DMD: variants seen among roughly 807,000 people sequenced by gnomAD.
DMD encodes the protein mutant dystrophin.
DMD carries 63 observed loss-of-function variants against 330.1 expected under a neutral mutation model. The ratio of observed to expected loss-of-function variants is 0.19; its 90% CI spans 0.16 to 0.24. The LOEUF is 0.24. DMD is among the 10% of genes least tolerant of loss of function. DMD has a pLI of 1.00. For synonymous variants in DMD, 1,223 were observed against 959.8 expected (o/e 1.27, Z -5.07); for missense variants, 3,344 against 2,684.1 (o/e 1.25, Z -5.43).
chrX:31,657,895 T>C (rs1250379047), intron 54 of DMD, 95 bp downstream of exon 54: 1 of 961,595 alleles, frequency 1.0e-6, no homozygotes, highest in Non-Finnish European at 1.5e-6. Flanking sequence ...AGCTCCAGTT[T>C]AGCTGGATTG....
intron 62 of DMD, among the ~76,000 whole-genome samples, chrX:31,289,965 G>C (rs2053569267): frequency 9.4e-6 from 1 of 106,661 alleles, no homozygotes; most frequent in African/African-American, 3.4e-5. Flanking sequence ...CTGTCGCCCA[G>C]GCTGGAGTGC....
At chrX:32,396,135 C>T (rs2098042473) in intron 30 of DMD, among the ~76,000 whole-genome samples, 1 of 110,827 alleles carries the variant, frequency 9.0e-6, no homozygotes, top group Admixed American at 9.6e-5. Flanking sequence ...ACCAAACACT[C>T]GACTTTTATC....
intron 17 of DMD, among the ~76,000 whole-genome samples, chrX:32,532,838 T>C (rs1296715423): frequency 1.8e-5 from 2 of 111,767 alleles, no homozygotes; most frequent in Non-Finnish European, 3.8e-5. Flanking sequence ...ACAAAGACAA[T>C]GAAACATATA....
chrX:32,518,163 C>A (rs745843473), intron 17 of DMD, 32 bp from the exon 18 acceptor site: 1 of 1,176,711 alleles, frequency 8.5e-7, no homozygotes, highest in Admixed American at 2.2e-5. Flanking sequence ...GTCATTATTT[C>A]TTGATTATCT....
chrX:31,127,036 C>G (rs2033817395), intron 77 of DMD, among the ~76,000 whole-genome samples: 1 of 111,892 alleles, frequency 8.9e-6, no homozygotes, highest in Non-Finnish European at 1.9e-5. Flanking sequence ...AAAAAAGTCT[C>G]AGAATCTCTT....
chrX:33,163,491 G>C (rs2048874011), intron 1 of DMD, among the ~76,000 whole-genome samples: 1 of 108,017 alleles, frequency 9.3e-6, no homozygotes, highest in Non-Finnish European at 1.9e-5. Flanking sequence ...AGCCAAGATC[G>C]TGCCACGGCA....
intron 44 of DMD, among the ~76,000 whole-genome samples, chrX:32,036,228 T>C (rs923169171): frequency 4.5e-5 from 5 of 111,313 alleles, no homozygotes; most frequent in African/African-American, 6.5e-5. Context: ...TGTGTAGAAA[T>C]AGATTGGAGA....
At chrX:32,443,269 CAG>C (rs1419790830) in intron 27 of DMD, among the ~76,000 whole-genome samples, 2 of 111,246 alleles carry the variant, frequency 1.8e-5, no homozygotes, top group African/African-American at 6.5e-5. Context: ...TAGAATGACA[CAG>C]AGTATTCGAT....
chrX:31,373,473 C>T (rs371257797), intron 60 of DMD, among the ~76,000 whole-genome samples: 5 of 102,031 alleles, frequency 4.9e-5, no homozygotes, highest in South Asian at 5.2e-4. Context: ...AAAACAGAGA[C>T]ATAGATCAAT....
chrX:31,375,099 C>T (rs1335263323), intron 60 of DMD, among the ~76,000 whole-genome samples: 3 of 111,878 alleles, frequency 2.7e-5, no homozygotes, highest in Non-Finnish European at 5.6e-5. Flanking sequence ...ATTATTGGGA[C>T]GCTAAGCTTG....
At chrX:32,354,333 T>C (rs1277662843) in intron 37 of DMD, among the ~76,000 whole-genome samples, 1 of 111,486 alleles carries the variant, frequency 9.0e-6, no homozygotes, top group African/African-American at 3.2e-5. Context: ...TATTTATCAT[T>C]ACAATATTGA....
chrX:32,621,123 T>G (rs1256404598), intron 11 of DMD, among the ~76,000 whole-genome samples: 2 of 110,917 alleles, frequency 1.8e-5, no homozygotes, highest in African/African-American at 6.6e-5. Context: ...TGAGAGCAAT[T>G]GAATTGAGTC....
intron 9 of DMD, 150 bp from the exon 10 acceptor site, chrX:32,645,302 G>A: frequency 1.7e-6 from 1 of 588,236 alleles, no homozygotes; most frequent in Non-Finnish European, 2.6e-6. Flanking sequence ...AGACAATAGG[G>A]AGTTTTCATT....
At chrX:33,075,719 C>A (rs751909130) in intron 1 of DMD, among the ~76,000 whole-genome samples, 10 of 111,948 alleles carry the variant, frequency 8.9e-5, no homozygotes, top group Non-Finnish European at 1.7e-4. Context: ...AAAATTATAA[C>A]TGAAATAGTG....
intron 1 of DMD, among the ~76,000 whole-genome samples, chrX:33,050,516 C>T (rs768767151): frequency 1.8e-4 from 20 of 111,812 alleles, no homozygotes; most frequent in African/African-American, 6.2e-4. Context: ...TCCTTCATCA[C>T]GGCTTCATTT....
At chrX:31,367,327 T>G (rs918864179) in intron 60 of DMD, among the ~76,000 whole-genome samples, 2 of 111,589 alleles carry the variant, frequency 1.8e-5, no homozygotes, top group African/African-American at 6.5e-5. Context: ...CTAAGATTTT[T>G]GGGGGCCTTT....
chrX:32,498,163 G>C (rs1441352972), intron 19 of DMD, among the ~76,000 whole-genome samples: 1 of 110,913 alleles, frequency 9.0e-6, no homozygotes, highest in Non-Finnish European at 1.9e-5. Context: ...AGTTTCCTGA[G>C]ACCAGGGTTA....
chrX:31,140,312 T>C (rs1254495456), intron 76 of DMD, among the ~76,000 whole-genome samples: 1 of 112,408 alleles, frequency 8.9e-6, no homozygotes, highest in African/African-American at 3.2e-5. Context: ...AAACAAATTA[T>C]TTTCTCTTTT....
intron 52 of DMD, among the ~76,000 whole-genome samples, chrX:31,721,135 C>G (rs1029543456): frequency 2.7e-5 from 3 of 110,674 alleles, no homozygotes; most frequent in Admixed American, 1.9e-4. Context: ...TTCCAGGTAC[C>G]TTATTAACTA....
Sources: allele counts gnomAD v4.1 joint callset (sites outside exome capture counted in the v4.1 genomes callset), GRCh38; gene constraint gnomAD v4.1.1; transcripts MANE v1.5; gene names NCBI Gene and HGNC (gene_info 2026-07-23, HGNC 2026-07-21).